The following GRIK4 variants were observed in gnomAD, a reference collection of about 807,000 sequenced individuals.
GRIK4 encodes glutamate receptor ionotropic, kainate 4.
In GRIK4, 40 loss-of-function variants were observed where a neutral mutation model predicts 104.9. That is an observed-to-expected ratio of 0.38 (90% CI 0.30 to 0.50). The LOEUF is 0.50. Ranked by LOEUF, GRIK4 falls within the 20% of genes least tolerant of loss-of-function variation. The probability of loss-of-function intolerance (pLI) is 0.93; values close to 1 mark genes in which losing one functional copy is unlikely to be tolerated. For synonymous variants in GRIK4, 485 were observed against 524.9 expected, an observed-to-expected ratio of 0.92 and a Z score of 1.04; for missense variants, 1,047 against 1,308.1, an observed-to-expected ratio of 0.80 and a Z score of 3.08.
At chr11:120,658,168 TA>T (rs1459530807) in intron 2 of GRIK4, among the ~76,000 whole-genome samples, 1 of 151,872 alleles carries the variant, frequency 6.6e-6, no homozygotes, top group Non-Finnish European at 1.5e-5. Context: ...TTTTTTTTGC[TA>T]AATCTTATAT....
chr11:120,604,858 A>C (rs1217721448), intron 1 of GRIK4, among the ~76,000 whole-genome samples: 2 of 152,184 alleles, frequency 1.3e-5, no homozygotes, highest in Non-Finnish European at 2.9e-5. Context: ...TGGGGCCTGG[A>C]AGTCTGATAT....
chr11:120,874,194 C>T lies in GRIK4; in HGVS notation c.1035C>T (p.Thr345=), dbSNP rs374703700. Reference sequence around the variant, plus strand: ...CGGCCCAGATCTGGCAGCACGGCACCAGCCTCATGAACTACCTGCGCATGG... The same window carrying T: ...CGGCCCAGATCTGGCAGCACGGCACTAGCCTCATGAACTACCTGCGCATGG... ...CGSAQIWQHG[T]SLMNYLRMVE... is the part of the protein sequence containing the mutation. Residue 345 remains threonine (T), a synonymous_variant, in exon 10 of 21, where the codon ACC becomes ACT. Transcript: ENST00000527524. The T allele has an allele frequency of 1.9e-5, 31 of 1,612,722 alleles. No individual in the cohort carries two copies. The highest frequency in any genetic ancestry group is 4.5e-5 in the East Asian group (2 of 44,872).
intron 3 of GRIK4, among the ~76,000 whole-genome samples, chr11:120,696,490 A>T (rs1461485125): frequency 6.0e-5 from 6 of 99,916 alleles, no homozygotes; most frequent in Non-Finnish European, 1.1e-4. Context: ...GTGGGGGGGC[A>T]TGTGGTAGAG....
In GRIK4 at chr11:120,524,331, C is replaced by CTAG; in HGVS notation, c.-159+12445_-159+12446insAGT. ...GCCGCTTGTCTGCAGAGGCCCTGGACTCTGGAGCCCTAGACTAGCAATGAG... is the reference window on the plus strand; with the variant it reads ...GCCGCTTGTCTGCAGAGGCCCTGGACTAGTCTGGAGCCCTAGACTAGCAATGAG... On this transcript the variant is annotated intron_variant, in intron 1 of 20. Transcript: ENST00000527524. The surrounding 1 kb of genome is among the most constrained non-coding windows in gnomAD (Gnocchi z 4.5). Among the ~76,000 whole-genome samples the CTAG allele has an allele frequency of 6.6e-6, 1 of 152,318 alleles. No homozygotes were observed. The highest frequency in any genetic ancestry group is 2.1e-4 in the South Asian group (1 of 4,822).
intron 14 of GRIK4, among the ~76,000 whole-genome samples, chr11:120,941,835 C>G (rs561733880): frequency 1.3e-5 from 2 of 152,082 alleles, no homozygotes; most frequent in South Asian, 4.2e-4. Flanking sequence ...CTCGATGTGG[C>G]CTTCCAGCCT....
At chr11:120,512,432 C>T (rs1361929383) in intron 1 of GRIK4, among the ~76,000 whole-genome samples, 1 of 151,834 alleles carries the variant, frequency 6.6e-6, no homozygotes, top group Non-Finnish European at 1.5e-5. Context: ...CTGCCATCTG[C>T]CTCGACTGCC....
At chr11:120,874,287 C>G in intron 10 of GRIK4, 69 bp downstream of exon 10, 2 of 1,295,210 alleles carry the variant, frequency 1.5e-6, no homozygotes, top group Non-Finnish European at 2.2e-6. Context: ...GTTCAAGGTA[C>G]AAGAGTCCCT....
chr11:120,650,335 C>T (rs1949601290), intron 1 of GRIK4, among the ~76,000 whole-genome samples: 1 of 152,186 alleles, frequency 6.6e-6, no homozygotes, highest in South Asian at 2.1e-4. Flanking sequence ...ATGAGGGAGA[C>T]TGGAAATCAA....
At chr11:120,550,730 C>T (rs1332468780) in intron 1 of GRIK4, among the ~76,000 whole-genome samples, 1 of 151,900 alleles carries the variant, frequency 6.6e-6, no homozygotes. Flanking sequence ...GAGAAGCATA[C>T]AGACATGAGT....
intron 1 of GRIK4, among the ~76,000 whole-genome samples, chr11:120,644,011 C>CTGTGTGTGTG (rs369374873): frequency 0.08 from 9,836 of 122,706 alleles, 463 homozygotes; most frequent in African/African-American, 0.097. Context: ...GGGAGAGGGT[C>CTGTGTGTGTG]TGTGTGTGTG....
chr11:120,837,386 A>G (rs1296824441), intron 8 of GRIK4, among the ~76,000 whole-genome samples: 6 of 152,124 alleles, frequency 3.9e-5, no homozygotes, highest in African/African-American at 9.7e-5. Context: ...TTCTTCTGGT[A>G]TAGGGACTCC....
intron 1 of GRIK4, among the ~76,000 whole-genome samples, chr11:120,637,756 C>T (rs780545796): frequency 2.0e-5 from 3 of 152,100 alleles, no homozygotes; most frequent in Non-Finnish European, 2.9e-5. Flanking sequence ...TGCTTAAAGC[C>T]GACACTGCAG....
At chr11:120,775,867 C>T (rs772298028) in intron 3 of GRIK4, among the ~76,000 whole-genome samples, 1 of 152,248 alleles carries the variant, frequency 6.6e-6, no homozygotes, top group Non-Finnish European at 1.5e-5. Flanking sequence ...ACGGTGCTAC[C>T]TCTTGGGGTA....
At chr11:120,558,941 C>T (rs577057255) in intron 1 of GRIK4, among the ~76,000 whole-genome samples, 1 of 152,270 alleles carries the variant, frequency 6.6e-6, no homozygotes, top group African/African-American at 2.4e-5. Context: ...CTTGATAAGG[C>T]CTCACCATGG....
rs538841556 is a variant in GRIK4, at chr11:120,527,288, C to T, written c.-159+15401C>T. Among the ~76,000 whole-genome samples, 4 of 152,346 alleles carry T rather than the reference C, an allele frequency of 2.6e-5. No individual in the cohort carries two copies. The East Asian group carries it at 5.8e-4, about 22-fold the overall frequency. Reference sequence around the variant, plus strand: ...TGTGGAGAGCAGCCTCAGCTCCCTGCGGCCCCAGGGTGGAGATGCTTCCAG... The same window carrying T: ...TGTGGAGAGCAGCCTCAGCTCCCTGTGGCCCCAGGGTGGAGATGCTTCCAG... On this transcript the variant is annotated intron_variant, in intron 1 of 20. Coordinates refer to ENST00000527524, the MANE Select transcript of GRIK4 (RefSeq NM_014619.5).
rs147538349 is a variant in GRIK4 at position 120,780,314 on chromosome 11, A to G, written c.83-22379A>G. 2.0e-5 allele frequency among the ~76,000 whole-genome samples: 3 copies of G among 152,344 alleles called. No individual in the cohort carries two copies. In the East Asian group the frequency reaches 5.8e-4, roughly 29 times the overall value. ...ACTGAAATTCTGTGTTTATTAAACA[A>G]TAACTCTCCATTCCTTCTCCTCCCA... On this transcript the variant is annotated intron_variant, in intron 3 of 20. Coordinates refer to ENST00000527524, the MANE Select transcript of GRIK4 (RefSeq NM_014619.5).
intron 4 of GRIK4, among the ~76,000 whole-genome samples, chr11:120,808,442 A>G (rs1417527753): frequency 1.3e-5 from 2 of 152,226 alleles, no homozygotes; most frequent in Non-Finnish European, 2.9e-5. Flanking sequence ...GCACTTGGAA[A>G]GCCCCAGTAA....
At chr11:120,914,146 G>C (rs2852238) in intron 13 of GRIK4, among the ~76,000 whole-genome samples, 118,095 of 152,252 alleles carry the variant, frequency 0.78, 46,303 homozygotes, top group East Asian at 0.92. Context: ...ATCAAAGTGC[G>C]TGCTGTCTGA....
At chr11:120,716,493 C>G (rs1478269988) in intron 3 of GRIK4, among the ~76,000 whole-genome samples, 1 of 152,188 alleles carries the variant, frequency 6.6e-6, no homozygotes, top group African/African-American at 2.4e-5. Context: ...ATCCACCCAC[C>G]TTGGCCTCAC....
Sources: gnomAD v4.1 joint callset for allele counts (sites outside exome capture counted in the v4.1 genomes callset) on GRCh38, gnomAD v4.1.1 for gene constraint, Gnocchi (gnomAD v3.1) non-coding constraint, MANE v1.5 for transcripts, NCBI Gene and HGNC (gene_info 2026-07-23, HGNC 2026-07-21) for gene names.